CFAP20DC: variants seen among roughly 807,000 people sequenced by gnomAD.
CFAP20DC encodes the protein protein CFAP20DC.
In CFAP20DC, 84 loss-of-function variants were observed where a neutral mutation model predicts 101.7. The observed-to-expected ratio is 0.83, with a 90% CI of 0.69 to 0.99. CFAP20DC has a LOEUF of 0.99. CFAP20DC is among the 50% of genes least tolerant of loss of function. The pLI is 0.00. For synonymous variants in CFAP20DC, 359 were observed against 351.2 expected (o/e 1.02, Z -0.25); for missense variants, 1,007 against 970.3 (o/e 1.04, Z -0.50).
At position 59,002,126 on chromosome 3, in the gene CFAP20DC, G is replaced by T. The variant is rs1348026632; in HGVS notation, c.278+37431C>A. ...TGAAAGAACTGAGTTGGGGATCCCAGCTCTGTTATCCCACTGACAAGCCTT... is the reference window on the plus strand; with the variant it reads ...TGAAAGAACTGAGTTGGGGATCCCATCTCTGTTATCCCACTGACAAGCCTT... On this transcript the variant is annotated intron_variant, in intron 4 of 16. Coordinates refer to ENST00000482387, the MANE Select transcript of CFAP20DC (RefSeq NM_001394063.1). This position sits in a 1 kb window ranked among gnomAD's most constrained non-coding sequence, Gnocchi z 4.5. Among the ~76,000 whole-genome samples, 1 of 152,182 alleles carries T rather than the reference G, an allele frequency of 6.6e-6. No individual in the cohort carries two copies. The highest frequency in any genetic ancestry group is 1.5e-5 in the Non-Finnish European group (1 of 68,026).
At chr3:59,031,918 T>A (rs558728553) in intron 4 of CFAP20DC, among the ~76,000 whole-genome samples, 2 of 152,176 alleles carry the variant, frequency 1.3e-5, no homozygotes, top group Non-Finnish European at 2.9e-5. Flanking sequence ...TATGGCTGAA[T>A]AGGAACAGCT....
At chr3:58,772,961 AG>A (rs1210333162) in intron 15 of CFAP20DC, among the ~76,000 whole-genome samples, 1 of 152,054 alleles carries the variant, frequency 6.6e-6, no homozygotes, top group Non-Finnish European at 1.5e-5. Flanking sequence ...GCATGGGAGG[AG>A]TAAGACTTAT....
At chr3:58,953,673 T>C (rs2090357955) in intron 4 of CFAP20DC, 1 of 152,308 alleles carries the variant, frequency 6.6e-6, no homozygotes, top group African/African-American at 2.4e-5. Context: ...AGAGAGAGAA[T>C]ATAAATGCAT....
chr3:58,875,263 A>G (rs2080645802), intron 7 of CFAP20DC, among the ~76,000 whole-genome samples: 1 of 152,188 alleles, frequency 6.6e-6, no homozygotes, highest in Non-Finnish European at 1.5e-5. Flanking sequence ...CCAGCTATTT[A>G]TATTCAACTG....
At chr3:58,846,340 A>C (rs1432740150) in intron 13 of CFAP20DC, among the ~76,000 whole-genome samples, 1 of 151,014 alleles carries the variant, frequency 6.6e-6, no homozygotes, top group African/African-American at 2.4e-5. Context: ...ATCAATGTAC[A>C]AAAATCACAA....
chr3:58,967,001 G>A (rs1008393538), intron 4 of CFAP20DC, among the ~76,000 whole-genome samples: 1 of 152,200 alleles, frequency 6.6e-6, no homozygotes, highest in African/African-American at 2.4e-5. Flanking sequence ...TGACTTCTTT[G>A]AGAAACTGAC....
In CFAP20DC at chr3:58,729,057, C is replaced by T. The variant is rs1224159627; in HGVS notation, c.198-11429G>A. On this transcript the variant is annotated intron_variant, in intron 3 of 3. Transcript: ENST00000486145. The surrounding 1 kb of genome is among the most constrained non-coding windows in gnomAD (Gnocchi z 4.4). ...TCAGTCATATGGAGAGGCCCATATCCCAGCTCAAGTAAAACCTTCAGATGG... is the reference window on the plus strand; with the variant it reads ...TCAGTCATATGGAGAGGCCCATATCTCAGCTCAAGTAAAACCTTCAGATGG... 2.0e-5 allele frequency among the ~76,000 whole-genome samples: 3 copies of T among 152,118 alleles called. No individual in the cohort carries two copies. Among genetic ancestry groups the T allele is most frequent in the Non-Finnish European group, 2.9e-5 (2 of 68,026 alleles).
chr3:58,789,144 C>G (rs1296177978), intron 15 of CFAP20DC, among the ~76,000 whole-genome samples: 1 of 152,070 alleles, frequency 6.6e-6, no homozygotes, highest in Non-Finnish European at 1.5e-5. Context: ...TTATATAACA[C>G]CTTTTAGAGA....
At chr3:58,915,489 A>T (rs1428033797) in intron 5 of CFAP20DC, among the ~76,000 whole-genome samples, 1 of 152,098 alleles carries the variant, frequency 6.6e-6, no homozygotes, top group African/African-American at 2.4e-5. Flanking sequence ...CAGCTGGTTC[A>T]TCAGTCAGCA....
rs2092554562 is a variant in CFAP20DC at position 58,981,714 on chromosome 3, G to T, written c.279-43952C>A. 5.9e-5 allele frequency among the ~76,000 whole-genome samples: 9 copies of T among 152,316 alleles called. No individual in the cohort carries two copies. The South Asian group carries it at 1.9e-3, about 32-fold the overall frequency. ...CTTAAACAAAAAGTAATTCAAGATGGATTGAAGACTTACATGTTAGACCTA... is the reference window on the plus strand; with the variant it reads ...CTTAAACAAAAAGTAATTCAAGATGTATTGAAGACTTACATGTTAGACCTA... On this transcript the variant is annotated intron_variant, in intron 4 of 16. Transcript: ENST00000482387.
chr3:58,975,331 T>G (rs1356388885), intron 4 of CFAP20DC, among the ~76,000 whole-genome samples: 2 of 152,204 alleles, frequency 1.3e-5, no homozygotes, highest in Non-Finnish European at 2.9e-5. Context: ...TGTCTTCTCC[T>G]CCAGAATATG....
At chr3:58,757,997 C>G (rs2069122028) in intron 15 of CFAP20DC, among the ~76,000 whole-genome samples, 1 of 152,132 alleles carries the variant, frequency 6.6e-6, no homozygotes, top group African/African-American at 2.4e-5. Flanking sequence ...GCTTTGAAAA[C>G]ACTGTGAGTA....
At chr3:58,950,334 C>T (rs1366441181) in intron 4 of CFAP20DC, among the ~76,000 whole-genome samples, 5 of 152,162 alleles carry the variant, frequency 3.3e-5, no homozygotes, top group Non-Finnish European at 7.3e-5. Context: ...GGCCATACTG[C>T]CCAAGGTAAT....
chr3:58,845,815 A>G (rs1398919448), intron 13 of CFAP20DC, among the ~76,000 whole-genome samples: 2 of 150,902 alleles, frequency 1.3e-5, no homozygotes, highest in Non-Finnish European at 3.0e-5. Context: ...CTTATCCACC[A>G]TGATCAAGTG....
chr3:58,979,696 G>A (rs1364256128), intron 4 of CFAP20DC, among the ~76,000 whole-genome samples: 1 of 152,160 alleles, frequency 6.6e-6, no homozygotes, highest in Non-Finnish European at 1.5e-5. Context: ...CGAACTGGCT[G>A]AATTTAGCAC....
In CFAP20DC at chr3:58,930,296, A is replaced by G. The variant is rs536370709; in HGVS notation, c.393+7352T>C. On this transcript the variant is annotated intron_variant, in intron 5 of 16. Coordinates refer to ENST00000482387, the MANE Select transcript of CFAP20DC (RefSeq NM_001394063.1). ...CTGGATGACTGCAAAAAACTTCCTCACTTCCAATTTCTACACCCTCCAAAT... is the reference window on the plus strand; with the variant it reads ...CTGGATGACTGCAAAAAACTTCCTCGCTTCCAATTTCTACACCCTCCAAAT... Among the ~76,000 whole-genome samples the G allele has an allele frequency of 3.3e-5, 5 of 152,210 alleles. No homozygotes were observed. The South Asian group carries it at 1.0e-3, about 32-fold the overall frequency.
At chr3:58,748,841 T>C (rs1240145808) in intron 16 of CFAP20DC, among the ~76,000 whole-genome samples, 4 of 152,182 alleles carry the variant, frequency 2.6e-5, no homozygotes, top group Non-Finnish European at 4.4e-5. Flanking sequence ...GTGGACACCC[T>C]GGTCAGACAG....
At chr3:58,796,653 G>GACACACACATAC (rs1284077844) in intron 15 of CFAP20DC, among the ~76,000 whole-genome samples, 1 of 152,140 alleles carries the variant, frequency 6.6e-6, no homozygotes, top group Non-Finnish European at 1.5e-5. Context: ...TAGCTCTTGA[G>GACACACACATAC]ACACACACAT....
intron 6 of CFAP20DC, among the ~76,000 whole-genome samples, chr3:58,885,917 A>G (rs983062702): frequency 1.3e-5 from 2 of 152,098 alleles, no homozygotes; most frequent in Non-Finnish European, 2.9e-5. Flanking sequence ...TGCAATAAAC[A>G]TGGGAGTGCA....
Sources: gnomAD v4.1 joint callset for allele counts (sites outside exome capture counted in the v4.1 genomes callset) on GRCh38, gnomAD v4.1.1 for gene constraint, Gnocchi (gnomAD v3.1) non-coding constraint, MANE v1.5 for transcripts, NCBI Gene and HGNC (gene_info 2026-07-23, HGNC 2026-07-21) for gene names.